The following ZNF675 variants were observed in gnomAD, a reference collection of about 807,000 sequenced individuals.
ZNF675 encodes the protein TRAF6 inhibitory zinc finger.
In ZNF675, 36 loss-of-function variants were observed where a neutral mutation model predicts 56.1. That is an observed-to-expected ratio of 0.64 (90% CI 0.49 to 0.85). The LOEUF is 0.85. Among genes scored for constraint, ZNF675 ranks in the 40% least tolerant of loss-of-function variants. The pLI, the probability that ZNF675 is intolerant of heterozygous loss-of-function variation, is 0.00. For missense variants in ZNF675, 663 were observed against 654.2 expected (o/e 1.01, Z -0.15); for synonymous variants, 200 against 218.9 (o/e 0.91, Z 0.76).
At position 23,685,852 on chromosome 19, in the gene ZNF675, G is replaced by A. The variant is rs12151347; in HGVS notation, c.3+1179C>T. ...TAGTTAGTCTGGAGGAATGGGATGAGGGGTAGGCTTGAGACCCAGCTTGAG... is the reference window on the plus strand; with the variant it reads ...TAGTTAGTCTGGAGGAATGGGATGAAGGGTAGGCTTGAGACCCAGCTTGAG... On this transcript the variant is annotated intron_variant, in intron 1 of 3. Coordinates refer to ENST00000359788, the MANE Select transcript of ZNF675 (RefSeq NM_138330.3). Among the ~76,000 whole-genome samples, 1,162 of 152,294 alleles carry A rather than the reference G, an allele frequency of 7.6e-3. 13 individuals are homozygous for A. Among genetic ancestry groups the A allele is most frequent in the Middle Eastern group, 0.02 (6 of 294 alleles).
At chr19:23,683,461 T>A (rs528584508) in intron 1 of ZNF675, among the ~76,000 whole-genome samples, 42 of 152,184 alleles carry the variant, frequency 2.8e-4, no homozygotes, top group African/African-American at 8.7e-4. Flanking sequence ...TCGCTCTGAC[T>A]CCCAGGCTGC....
intron 1 of ZNF675, among the ~76,000 whole-genome samples, chr19:23,677,098 GAAAA>G (rs57575375): frequency 7.0e-6 from 1 of 143,430 alleles, no homozygotes; most frequent in Non-Finnish European, 1.5e-5. Flanking sequence ...AAAGAGAAAA[GAAAA>G]AAAAGAAAAA....
intron 3 of ZNF675, among the ~76,000 whole-genome samples, chr19:23,660,701 T>C (rs1280067590): frequency 6.6e-6 from 1 of 152,082 alleles, no homozygotes; most frequent in Non-Finnish European, 1.5e-5. Context: ...AAGACATAAA[T>C]AAACTTGAAA....
At chr19:23,674,293 C>T (rs1199922924) in intron 1 of ZNF675, among the ~76,000 whole-genome samples, 1 of 151,868 alleles carries the variant, frequency 6.6e-6, no homozygotes, top group Non-Finnish European at 1.5e-5. Context: ...ATATGATACA[C>T]ATTTATTTTT....
At position 23,672,174 on chromosome 19, in the gene ZNF675, TAAAAAAA is replaced by T. The variant is rs56087062; in HGVS notation, c.4-9023_4-9017del. Among the ~76,000 whole-genome samples the T allele has an allele frequency of 3.0e-4, 44 of 145,858 alleles. 4 individuals carry two copies. The highest frequency in any genetic ancestry group is 6.5e-4 in the South Asian group (3 of 4,608). On this transcript the variant is annotated intron_variant, in intron 1 of 3. Coordinates refer to ENST00000359788, the MANE Select transcript of ZNF675 (RefSeq NM_138330.3). Reference sequence around the variant, plus strand: ...GTCCTGATTAGTTAGCTCTTGGGTTTAAAAAAAAAAAAAAAAAAGGACAAGAATACTC... The same window carrying T: ...GTCCTGATTAGTTAGCTCTTGGGTTTAAAAAAAAAAAGGACAAGAATACTC...
At chr19:23,666,541 A>T (rs1968153132) in intron 1 of ZNF675, among the ~76,000 whole-genome samples, 1 of 152,134 alleles carries the variant, frequency 6.6e-6, no homozygotes, top group Non-Finnish European at 1.5e-5. Context: ...CACACTGCAG[A>T]GTGTAATTTC....
intron 1 of ZNF675, among the ~76,000 whole-genome samples, chr19:23,684,995 G>A (rs1455502267): frequency 1.2e-4 from 1 of 8,082 alleles, no homozygotes. Context: ...CAATCTTCAT[G>A]TCTCAAAGGC....
chr19:23,671,753 C>G (rs996240776), intron 1 of ZNF675, among the ~76,000 whole-genome samples: 1 of 151,558 alleles, frequency 6.6e-6, no homozygotes, highest in Non-Finnish European at 1.5e-5. Flanking sequence ...TGACAGGGAC[C>G]ATGACTGCTT....
intron 1 of ZNF675, among the ~76,000 whole-genome samples, chr19:23,668,696 G>A (rs1175952653): frequency 3.9e-5 from 6 of 152,192 alleles, no homozygotes; most frequent in African/African-American, 1.2e-4. Flanking sequence ...AAGGCCCGGC[G>A]AGAAATCGAG....
At position 23,687,012 on chromosome 19, in the gene ZNF675, TC is replaced by T. The variant is rs796254709; in HGVS notation, c.3+18del. 4 of 1,613,724 alleles carry T rather than the reference TC, an allele frequency of 2.5e-6. No homozygotes were observed. In the African/African-American group the frequency reaches 5.3e-5, roughly 22 times the overall value. ...CCAGCCCCTTCCCCCTCTCGGGATG[TC>T]GCACCCGTAACTCTCACCATTTCTA... On this transcript the variant is annotated intron_variant, in intron 1 of 3. Transcript: ENST00000359788.
intron 1 of ZNF675, among the ~76,000 whole-genome samples, chr19:23,683,524 C>T (rs199604371): frequency 9.9e-5 from 15 of 152,214 alleles, no homozygotes; most frequent in African/African-American, 1.7e-4. Context: ...TGGGTTCAAG[C>T]GATTCTCCTG....
chr19:23,685,799 T>C (rs1306345836), intron 1 of ZNF675, among the ~76,000 whole-genome samples: 2 of 152,150 alleles, frequency 1.3e-5, no homozygotes, highest in East Asian at 3.8e-4. Context: ...GAGAAGAAAC[T>C]GGAAATTTAG....
chr19:23,678,261 C>CTT lies in ZNF675; in HGVS notation c.3+8768_3+8769dup, dbSNP rs71165873. 7.0e-3 allele frequency among the ~76,000 whole-genome samples: 976 copies of CTT among 139,564 alleles called. 18 individuals are homozygous for CTT. Among genetic ancestry groups the CTT allele is most frequent in the African/African-American group, 0.015 (539 of 37,084 alleles). 91.6% of individuals were successfully genotyped at this position (139,564 alleles called of 152,430 possible). On this transcript the variant is annotated intron_variant, in intron 1 of 3. Transcript: ENST00000359788. ...TTTCTATGAAACTATCAAAAATATT[C>CTT]TTTTTTTTTTTTTTTGACGGAGTTT...
At chr19:23,666,730 AT>A (rs1968155026) in intron 1 of ZNF675, among the ~76,000 whole-genome samples, 1 of 149,728 alleles carries the variant, frequency 6.7e-6, no homozygotes, top group African/African-American at 2.4e-5. Context: ...ATTGGATTTA[AT>A]TTTTTCCTTT....
At chr19:23,677,922 C>T (rs1168748788) in intron 1 of ZNF675, among the ~76,000 whole-genome samples, 1 of 151,546 alleles carries the variant, frequency 6.6e-6, no homozygotes, top group African/African-American at 2.4e-5. Context: ...GAGTTTGAGA[C>T]TAGCCTGACC....
chr19:23,653,876 A>C lies in ZNF675; in HGVS notation c.1057T>G (p.Ser353Ala). ...EECGKAFNRS[S>A]KLTEHKNIHT... ...ATGTTTTTATGTTCAGTAAGTTTTG[A>C]GGATCGGTTAAAAGCTTTTCCACAT... is the stretch of plus-strand genomic sequence containing the variant. The change falls in exon 4 of 4, where the codon TCA becomes GCA. Residue 353 changes from serine to alanine, a missense_variant. Coordinates refer to ENST00000359788, the MANE Select transcript of ZNF675 (RefSeq NM_138330.3). The C allele has an allele frequency of 6.2e-7, 1 of 1,613,764 alleles. No homozygotes were observed. Among genetic ancestry groups the C allele is most frequent in the Non-Finnish European group, 8.5e-7 (1 of 1,179,860 alleles).
chr19:23,687,177 C>A lies in ZNF675; in HGVS notation c.-144G>T. ...CTGGAGCTCCGGCTGCAGCGAGAGA[C>A]AAAGGCGCCGCCAAATCCCGGAAGC... On this transcript the variant is annotated 5_prime_UTR_variant, in exon 1 of 4. Coordinates refer to ENST00000359788, the MANE Select transcript of ZNF675 (RefSeq NM_138330.3). The A allele has an allele frequency of 9.8e-7, 1 of 1,015,968 alleles. No individual in the cohort carries two copies. Among genetic ancestry groups the A allele is most frequent in the Non-Finnish European group, 1.5e-6 (1 of 666,636 alleles). 62.9% of individuals were successfully genotyped at this position (1,015,968 alleles called of 1,614,324 possible).
At chr19:23,656,941 TAC>T (rs1215276831) in intron 3 of ZNF675, 3 of 152,154 alleles carry the variant, frequency 2.0e-5, no homozygotes, top group Non-Finnish European at 1.5e-5. Flanking sequence ...GGCTGAAATG[TAC>T]AGTTTTTTTG....
intron 3 of ZNF675, among the ~76,000 whole-genome samples, chr19:23,660,016 C>T (rs62118302): frequency 0.012 from 1,871 of 150,810 alleles, 17 homozygotes; most frequent in Middle Eastern, 0.02. Context: ...TGATATAAGG[C>T]CCACCATATG....
Sources: gnomAD v4.1 joint callset for allele counts (sites outside exome capture counted in the v4.1 genomes callset) on GRCh38, gnomAD v4.1.1 for gene constraint, MANE v1.5 for transcripts, NCBI Gene and HGNC (gene_info 2026-07-23, HGNC 2026-07-21) for gene names.